RANBP10: variants seen among roughly 807,000 people sequenced by gnomAD.
The protein encoded by RANBP10 is RAN binding protein 10.
In RANBP10, 24 loss-of-function variants were observed where a neutral mutation model predicts 72.8. The ratio of observed to expected loss-of-function variants is 0.33; its 90% confidence interval spans 0.24 to 0.46. The LOEUF is 0.46. RANBP10 is among the 20% of genes least tolerant of loss of function. RANBP10 has a pLI of 1.00. For missense variants in RANBP10, 679 were observed against 817.5 expected, an observed-to-expected ratio of 0.83 and a Z score of 2.07; for synonymous variants, 310 against 322.3, an observed-to-expected ratio of 0.96 and a Z score of 0.41.
At chr16:67,798,861 G>GCC (rs2055180239) in intron 2 of RANBP10, among the ~76,000 whole-genome samples, 1 of 152,122 alleles carries the variant, frequency 6.6e-6, no homozygotes, top group South Asian at 2.1e-4. Flanking sequence ...TAGATCCACA[G>GCC]CCCCCCACAC....
intron 3 of RANBP10, among the ~76,000 whole-genome samples, chr16:67,754,579 T>A (rs114779890): frequency 6.6e-6 from 1 of 152,152 alleles, no homozygotes; most frequent in African/African-American, 2.4e-5. Flanking sequence ...GGAGAGGAAC[T>A]GGCACTACAC....
At chr16:67,772,858 A>T (rs1313132651) in intron 2 of RANBP10, among the ~76,000 whole-genome samples, 1 of 152,128 alleles carries the variant, frequency 6.6e-6, no homozygotes, top group Non-Finnish European at 1.5e-5. Context: ...CTCTCCCCTT[A>T]GACAATCCAC....
intron 1 of RANBP10, 126 bp downstream of exon 1, chr16:67,806,176 G>A: frequency 1.0e-6 from 1 of 954,196 alleles, no homozygotes; most frequent in South Asian, 1.7e-5. Flanking sequence ...TGGACATCCT[G>A]AAAGGGCCAA....
intron 3 of RANBP10, among the ~76,000 whole-genome samples, chr16:67,763,994 A>G (rs775375384): frequency 3.3e-5 from 5 of 152,138 alleles, no homozygotes; most frequent in African/African-American, 7.2e-5. Flanking sequence ...ACTGCGTCCA[A>G]CCAAGTACTG....
intron 3 of RANBP10, among the ~76,000 whole-genome samples, chr16:67,756,227 C>T (rs929070946): frequency 2.0e-5 from 3 of 152,238 alleles, no homozygotes; most frequent in Admixed American, 6.5e-5. Flanking sequence ...CATGCCACTA[C>T]CATCTGCCAG....
At chr16:67,757,512 C>T (rs970519788) in intron 3 of RANBP10, among the ~76,000 whole-genome samples, 3 of 152,110 alleles carry the variant, frequency 2.0e-5, no homozygotes, top group African/African-American at 7.2e-5. Flanking sequence ...AGCATGGGGC[C>T]GTGTCCAGGT....
chr16:67,806,195 T>C, intron 1 of RANBP10, 107 bp downstream of exon 1: 1 of 1,124,096 alleles, frequency 8.9e-7, no homozygotes, highest in African/African-American at 1.6e-5. Context: ...AAGCCCTAAC[T>C]TGGAGCACCT....
intron 3 of RANBP10, among the ~76,000 whole-genome samples, chr16:67,761,786 G>C (rs558183243): frequency 6.6e-6 from 1 of 152,146 alleles, no homozygotes; most frequent in Non-Finnish European, 1.5e-5. Context: ...GGCCAGACTG[G>C]TCTCGAACTC....
intron 3 of RANBP10, among the ~76,000 whole-genome samples, chr16:67,755,146 A>AG (rs904062836): frequency 7.2e-4 from 110 of 152,152 alleles, no homozygotes; most frequent in Non-Finnish European, 1.1e-3. Flanking sequence ...CTTCCCATTA[A>AG]GGGGGGGTCC....
chr16:67,772,208 C>T, intron 2 of RANBP10, 122 bp from the exon 3 acceptor site: 2 of 1,019,794 alleles, frequency 2.0e-6, no homozygotes, highest in South Asian at 1.6e-5. Flanking sequence ...TGTAGAGGCT[C>T]TTATAACATA....
In RANBP10 at chr16:67,805,607, G is replaced by A. The variant is rs1231815842; in HGVS notation, c.236-68C>T. The A allele has an allele frequency of 2.3e-6, 3 of 1,311,556 alleles. No individual in the cohort carries two copies. The Admixed American group carries it at 5.9e-5, about 26-fold the overall frequency. The allele number at this position is 1,311,556 out of a possible 1,614,324, so 81.2% of individuals were successfully genotyped here. A position where few individuals can be genotyped will look rare whatever the true frequency, so the allele number is the denominator to read the frequency against. On this transcript the variant is annotated intron_variant, in intron 1 of 13. Coordinates refer to ENST00000317506, the MANE Select transcript of RANBP10 (RefSeq NM_020850.3). ...GCAAATGGAAGCCTCATTTTTCTCTGCAACTCCTCCATGACAACTCCACTC... is the reference window on the plus strand; with the variant it reads ...GCAAATGGAAGCCTCATTTTTCTCTACAACTCCTCCATGACAACTCCACTC...
intron 4 of RANBP10, among the ~76,000 whole-genome samples, chr16:67,743,913 G>C (rs2054017180): frequency 6.6e-6 from 1 of 152,176 alleles, no homozygotes; most frequent in Non-Finnish European, 1.5e-5. Flanking sequence ...CTGCTCCACA[G>C]CAACCAGCAC....
intron 2 of RANBP10, among the ~76,000 whole-genome samples, chr16:67,782,705 G>A (rs1002227186): frequency 3.3e-5 from 5 of 151,624 alleles, no homozygotes; most frequent in South Asian, 4.2e-4. Context: ...CGCCCAGCTC[G>A]GCTTCCCAAA....
chr16:67,746,420 G>T (rs1478411837), intron 3 of RANBP10, among the ~76,000 whole-genome samples: 1 of 152,122 alleles, frequency 6.6e-6, no homozygotes, highest in East Asian at 1.9e-4. Flanking sequence ...GGCAGAGCTT[G>T]CAGTGAGCCG....
chr16:67,805,522 T>C lies in RANBP10; in HGVS notation c.253A>G (p.Lys85Glu), dbSNP rs745548747. The change falls in exon 2 of 14, where the codon AAA becomes GAA. Residue 85 changes from lysine to glutamate, a missense_variant. Transcript: ENST00000317506. Reference sequence around the variant, plus strand: ...GTGGCACGCACTGAGGCCGCATCTTTGTGATTTTTGCCATGACCTAACAGG... The same window carrying C: ...GTGGCACGCACTGAGGCCGCATCTTCGTGATTTTTGCCATGACCTAACAGG... ...VHYKGHGKNHKDAASVRATHP... is the reference protein window; with the variant it reads ...VHYKGHGKNHEDAASVRATHP... 5.6e-6 allele frequency: 9 copies of C among 1,613,912 alleles called. No homozygotes were observed. The highest frequency in any genetic ancestry group is 1.7e-5 in the Admixed American group (1 of 59,982).
At chr16:67,753,283 A>G (rs2054229875) in intron 3 of RANBP10, among the ~76,000 whole-genome samples, 1 of 151,930 alleles carries the variant, frequency 6.6e-6, no homozygotes, top group Non-Finnish European at 1.5e-5. Flanking sequence ...AGGCAAGTGG[A>G]TCGCTTGAGC....
At chr16:67,771,939 ACAAAG>A in intron 3 of RANBP10, 90 bp downstream of exon 3, 1 of 1,453,956 alleles carries the variant, frequency 6.9e-7, no homozygotes, top group Non-Finnish European at 9.4e-7. Flanking sequence ...CAGCTAGCAA[ACAAAG>A]TCCTCCCCAG....
At chr16:67,754,559 G>A (rs1021505658) in intron 3 of RANBP10, among the ~76,000 whole-genome samples, 12 of 152,324 alleles carry the variant, frequency 7.9e-5, no homozygotes, top group Non-Finnish European at 1.8e-4. Flanking sequence ...GCCTTGAGAA[G>A]TTGTACAGTG....
At chr16:67,736,318 C>T (rs1418612382) in intron 5 of RANBP10, among the ~76,000 whole-genome samples, 2 of 152,212 alleles carry the variant, frequency 1.3e-5, no homozygotes, top group Admixed American at 6.5e-5. Flanking sequence ...TGCGCCACCA[C>T]GCCCGGCTAA....
Sources: gnomAD v4.1 joint callset for allele counts (sites outside exome capture counted in the v4.1 genomes callset) on GRCh38, gnomAD v4.1.1 for gene constraint, MANE v1.5 for transcripts, NCBI Gene and HGNC (gene_info 2026-07-23, HGNC 2026-07-21) for gene names.